Variants in GAK observed in about 807,000 individuals in gnomAD.
GAK encodes cyclin G associated kinase.
In GAK, 79 loss-of-function variants were observed where a neutral mutation model predicts 143.9. The observed-to-expected ratio is 0.55, with a 90% CI of 0.46 to 0.66. GAK has a LOEUF of 0.66. Among genes scored for constraint, GAK ranks in the 30% least tolerant of loss-of-function variants. GAK has a pLI of 0.00. For missense variants in GAK, 1,693 were observed against 1,779.7 expected, an observed-to-expected ratio of 0.95 and a Z score of 0.88; for synonymous variants, 881 against 765.5, an observed-to-expected ratio of 1.15 and a Z score of -2.49.
At chr4:919,933 C>A (rs577314475) in intron 1 of GAK, among the ~76,000 whole-genome samples, 2 of 152,136 alleles carry the variant, frequency 1.3e-5, no homozygotes, top group Non-Finnish European at 2.9e-5. Flanking sequence ...GGAGGATCAC[C>A]TGAACCCAGG....
chr4:878,843 G>A (rs1333714690), intron 15 of GAK, among the ~76,000 whole-genome samples: 1 of 152,192 alleles, frequency 6.6e-6, no homozygotes, highest in African/African-American at 2.4e-5. Context: ...CCCTGCAGGA[G>A]GCCCTCTCCC....
Position 866,349 on chromosome 4 carries a change from G to A in GAK, c.3043+15C>T. On this transcript the variant is annotated intron_variant, in intron 22 of 27. Transcript: ENST00000314167. ...GCGGCCATGGAGAGCTGGCTGCCAGGCGAGAGGCACTTACCCAGGTGCAGG... is the reference window on the plus strand; with the variant it reads ...GCGGCCATGGAGAGCTGGCTGCCAGACGAGAGGCACTTACCCAGGTGCAGG... 3 of 1,612,662 alleles carry A rather than the reference G, an allele frequency of 1.9e-6. No homozygotes were observed. Among genetic ancestry groups the A allele is most frequent in the Non-Finnish European group, 2.5e-6 (3 of 1,179,258 alleles).
intron 5 of GAK, among the ~76,000 whole-genome samples, chr4:904,107 C>T (rs1577249717): frequency 6.6e-6 from 1 of 151,982 alleles, no homozygotes; most frequent in African/African-American, 2.4e-5. Flanking sequence ...GGCTGTGAAC[C>T]GCGTGTGGAG....
At chr4:896,401 C>A in intron 7 of GAK, 59 bp downstream of exon 7, 1 of 1,438,530 alleles carries the variant, frequency 7.0e-7, no homozygotes, top group East Asian at 2.3e-5. Flanking sequence ...CCCACGCCGC[C>A]TCAGGTTAAG....
intron 1 of GAK, among the ~76,000 whole-genome samples, chr4:922,233 G>A (rs1010905652): frequency 1.1e-4 from 17 of 151,950 alleles, no homozygotes; most frequent in African/African-American, 4.1e-4. Flanking sequence ...AGGCAGCATC[G>A]GCCGGGCGCG....
intron 1 of GAK, among the ~76,000 whole-genome samples, chr4:926,856 C>T (rs1472870826): frequency 6.9e-6 from 1 of 145,610 alleles, no homozygotes; most frequent in African/African-American, 2.5e-5. Flanking sequence ...AGCTCACCTG[C>T]GCTCCGCACT....
At chr4:874,078 T>C (rs764324) in intron 18 of GAK, among the ~76,000 whole-genome samples, 66,518 of 152,050 alleles carry the variant, frequency 0.44, 14,828 homozygotes, top group South Asian at 0.54. Flanking sequence ...TTCCTGGTGA[T>C]GGAGCTCCTG....
chr4:928,327 G>A (rs1725166638), intron 1 of GAK, among the ~76,000 whole-genome samples: 1 of 152,192 alleles, frequency 6.6e-6, no homozygotes, highest in Non-Finnish European at 1.5e-5. Flanking sequence ...CAAAGTGCTG[G>A]GATTACAGGC....
chr4:920,850 T>C (rs6842493), intron 1 of GAK, among the ~76,000 whole-genome samples: 48,776 of 152,048 alleles, frequency 0.32, 7,915 homozygotes, highest in Non-Finnish European at 0.34. Flanking sequence ...CCCCAGATAC[T>C]ATTTTGTTAA....
At chr4:917,846 C>G (rs933392378) in intron 1 of GAK, among the ~76,000 whole-genome samples, 2 of 152,094 alleles carry the variant, frequency 1.3e-5, no homozygotes, top group Non-Finnish European at 2.9e-5. Flanking sequence ...AGGAAAAACA[C>G]AGATGAAAGG....
At chr4:850,231 T>C (rs997224344) in intron 26 of GAK, 163 bp from the exon 27 acceptor site, 3 of 617,258 alleles carry the variant, frequency 4.9e-6, no homozygotes, top group African/African-American at 3.7e-5. Context: ...CTCAACTATA[T>C]AGAGCCCACT....
chr4:877,881 G>C, intron 15 of GAK, 72 bp from the exon 16 acceptor site: 1 of 1,381,926 alleles, frequency 7.2e-7, no homozygotes, highest in Non-Finnish European at 9.7e-7. Context: ...TTTGTCTTTC[G>C]AATAGAAGTT....
intron 3 of GAK, 143 bp downstream of exon 3, chr4:912,592 G>T (rs1156932507): frequency 5.0e-6 from 3 of 604,468 alleles, no homozygotes; most frequent in Non-Finnish European, 8.7e-6. Flanking sequence ...CTACAACTAG[G>T]TTTGGTAAAA....
At chr4:874,437 G>A (rs1283918442) in intron 18 of GAK, among the ~76,000 whole-genome samples, 2 of 152,198 alleles carry the variant, frequency 1.3e-5, no homozygotes, top group African/African-American at 2.4e-5. Context: ...TTGCTTGGCT[G>A]AAGACATCCT....
chr4:900,319 C>G (rs942525780), intron 5 of GAK, among the ~76,000 whole-genome samples: 12 of 152,262 alleles, frequency 7.9e-5, no homozygotes, highest in African/African-American at 2.9e-4. Flanking sequence ...CCTCCGCAAA[C>G]AGCCGTCCAG....
At chr4:850,191 CACAG>C (rs1747871586) in intron 26 of GAK, 123 bp from the exon 27 acceptor site, 2 of 930,334 alleles carry the variant, frequency 2.1e-6, no homozygotes, top group African/African-American at 3.3e-5. Flanking sequence ...CAGCCCGGCT[CACAG>C]ACACTGTCCC....
chr4:855,433 G>T (rs1352499533), intron 24 of GAK, among the ~76,000 whole-genome samples: 1 of 151,976 alleles, frequency 6.6e-6, no homozygotes, highest in Non-Finnish European at 1.5e-5. Flanking sequence ...TTTGTGTGTT[G>T]ACCTGGTATC....
intron 23 of GAK, among the ~76,000 whole-genome samples, chr4:861,852 A>C (rs76002742): frequency 2.0e-5 from 3 of 152,230 alleles, no homozygotes; most frequent in African/African-American, 7.2e-5. Context: ...CATCCTCCTA[A>C]GCCAAAGCCT....
At chr4:873,266 C>G (rs1411684664) in intron 18 of GAK, among the ~76,000 whole-genome samples, 1 of 152,196 alleles carries the variant, frequency 6.6e-6, no homozygotes, top group Non-Finnish European at 1.5e-5. Flanking sequence ...AAAATATTTT[C>G]TCATTTCAAC....
Sources: gnomAD v4.1 joint callset for allele counts (sites outside exome capture counted in the v4.1 genomes callset) on GRCh38, gnomAD v4.1.1 for gene constraint, MANE v1.5 for transcripts, NCBI Gene and HGNC (gene_info 2026-07-23, HGNC 2026-07-21) for gene names.